PPP1R1C: variants seen among roughly 807,000 people sequenced by gnomAD.
PPP1R1C encodes the protein protein phosphatase 1 regulatory inhibitor subunit 1C, also known as protein phosphatase 1 regulatory subunit 1C.
In PPP1R1C, 15 loss-of-function variants were observed where a neutral mutation model predicts 17.4. The ratio of observed to expected loss-of-function variants is 0.86; its 90% confidence interval spans 0.58 to 1.33. PPP1R1C has a LOEUF of 1.33. PPP1R1C is among the 40% of genes most tolerant of loss of function. The probability of loss-of-function intolerance (pLI) is 0.00; values close to 1 mark genes in which losing one functional copy is unlikely to be tolerated. For synonymous variants in PPP1R1C, 35 were observed against 43.1 expected (o/e 0.81, Z 0.73); for missense variants, 143 against 130.0 (o/e 1.10, Z -0.48).
chr2:182,123,445 T>C (rs766424523), intron 5 of PPP1R1C, among the ~76,000 whole-genome samples: 1 of 152,248 alleles, frequency 6.6e-6, no homozygotes, highest in Non-Finnish European at 1.5e-5. Flanking sequence ...TCCACAATGG[T>C]TGAACTAGTT....
chr2:182,115,140 A>G (rs1022170963), intron 4 of PPP1R1C, among the ~76,000 whole-genome samples: 50 of 152,216 alleles, frequency 3.3e-4, no homozygotes, highest in South Asian at 6.2e-4. Flanking sequence ...GATATAGTCA[A>G]CCTCAGCTAA....
intron 4 of PPP1R1C, among the ~76,000 whole-genome samples, chr2:182,066,967 TTTGTG>T (rs1688002242): frequency 5.4e-4 from 16 of 29,666 alleles, no homozygotes; most frequent in Admixed American, 3.0e-3. Context: ...TGTGTGTGTG[TTTGTG>T]TGTGTGTGTG....
chr2:182,039,245 A>G (rs1380526449), intron 2 of PPP1R1C, among the ~76,000 whole-genome samples: 1 of 152,206 alleles, frequency 6.6e-6, no homozygotes, highest in Non-Finnish European at 1.5e-5. Flanking sequence ...CTATGTTATC[A>G]TCTTTGATTG....
intron 4 of PPP1R1C, among the ~76,000 whole-genome samples, chr2:182,098,362 A>G (rs1028762928): frequency 6.6e-6 from 1 of 152,142 alleles, no homozygotes; most frequent in Non-Finnish European, 1.5e-5. Context: ...TTAACTTTGG[A>G]TTTTCTTCAA....
chr2:182,072,846 C>G (rs761873923), intron 4 of PPP1R1C, among the ~76,000 whole-genome samples: 1 of 152,176 alleles, frequency 6.6e-6, no homozygotes, highest in East Asian at 1.9e-4. Context: ...TTAATCTTGT[C>G]TGTCTCCAGC....
chr2:181,969,849 C>T (rs765079586), intron 1 of PPP1R1C, among the ~76,000 whole-genome samples: 53 of 152,176 alleles, frequency 3.5e-4, no homozygotes, highest in Non-Finnish European at 6.8e-4. Context: ...TCTTCAAGTT[C>T]ATCAGTTCTT....
intron 4 of PPP1R1C, among the ~76,000 whole-genome samples, chr2:182,086,627 A>G (rs1688637329): frequency 6.6e-6 from 1 of 152,226 alleles, no homozygotes; most frequent in Non-Finnish European, 1.5e-5. Context: ...TCAATTTTAT[A>G]GAGAAAACGG....
At chr2:181,987,505 T>G (rs2125139824) in intron 1 of PPP1R1C, among the ~76,000 whole-genome samples, 1 of 152,200 alleles carries the variant, frequency 6.6e-6, no homozygotes, top group East Asian at 1.9e-4. Context: ...ACCAATGTTA[T>G]GAGGCTCCAA....
chr2:182,116,192 A>G (rs1689576978), intron 4 of PPP1R1C, among the ~76,000 whole-genome samples: 2 of 152,220 alleles, frequency 1.3e-5, no homozygotes, highest in African/African-American at 4.8e-5. Context: ...CATTAATTCA[A>G]TCAATGATTT....
chr2:182,062,051 A>C (rs1687865913), intron 3 of PPP1R1C, among the ~76,000 whole-genome samples: 1 of 152,124 alleles, frequency 6.6e-6, no homozygotes, highest in South Asian at 2.1e-4. Context: ...AGAGGCCAGG[A>C]GAGCATATAA....
At chr2:182,045,493 T>C (rs1257421744) in intron 2 of PPP1R1C, among the ~76,000 whole-genome samples, 2 of 151,968 alleles carry the variant, frequency 1.3e-5, no homozygotes, top group East Asian at 3.9e-4. Flanking sequence ...GATTAAGCCA[T>C]GAAAAGATTA....
chr2:182,046,637 G>A (rs1284687640), intron 2 of PPP1R1C, among the ~76,000 whole-genome samples: 1 of 151,734 alleles, frequency 6.6e-6, no homozygotes, highest in Non-Finnish European at 1.5e-5. Flanking sequence ...TACTCGGGAG[G>A]CTGAGGCAGG....
chr2:182,080,541 C>T (rs1243674237), intron 4 of PPP1R1C, among the ~76,000 whole-genome samples: 1 of 152,174 alleles, frequency 6.6e-6, no homozygotes, highest in African/African-American at 2.4e-5. Context: ...AATACCGTAA[C>T]ACAATACATC....
chr2:181,981,640 G>GT (rs1292472387), upstream of PPP1R1C, among the ~76,000 whole-genome samples: 2 of 152,126 alleles, frequency 1.3e-5, no homozygotes, highest in Non-Finnish European at 2.9e-5. Context: ...TAATATGAAG[G>GT]TTTTGGAGTT....
chr2:182,128,373 G>A (rs1038923948), intron 5 of PPP1R1C, among the ~76,000 whole-genome samples: 8 of 152,112 alleles, frequency 5.3e-5, no homozygotes, highest in South Asian at 2.1e-4. Flanking sequence ...TTTTCTGCTC[G>A]GTAAAACGTG....
At chr2:181,968,048 CAGAGA>C (rs1446448420) in intron 1 of PPP1R1C, among the ~76,000 whole-genome samples, 1 of 152,166 alleles carries the variant, frequency 6.6e-6, no homozygotes, top group Non-Finnish European at 1.5e-5. Flanking sequence ...CCATTGTGAT[CAGAGA>C]AAATACTTGA....
intron 2 of PPP1R1C, among the ~76,000 whole-genome samples, chr2:182,035,012 A>T (rs1686959533): frequency 6.6e-6 from 1 of 152,212 alleles, no homozygotes; most frequent in African/African-American, 2.4e-5. Flanking sequence ...GTCTGATTGC[A>T]CTTTTTATTC....
At chr2:182,091,484 AT>A (rs1218608406) in intron 4 of PPP1R1C, among the ~76,000 whole-genome samples, 19 of 125,042 alleles carry the variant, frequency 1.5e-4, no homozygotes, top group African/African-American at 4.3e-4. Context: ...TAAAAAAAAA[AT>A]AATAAAAAAA....
At chr2:181,974,934 T>C (rs760460928) in intron 1 of PPP1R1C, among the ~76,000 whole-genome samples, 2 of 152,172 alleles carry the variant, frequency 1.3e-5, no homozygotes, top group Non-Finnish European at 2.9e-5. Context: ...GTAATGTCTC[T>C]CAATAAAGGC....
Sources: allele counts gnomAD v4.1 joint callset (sites outside exome capture counted in the v4.1 genomes callset), GRCh38; gene constraint gnomAD v4.1.1; transcripts MANE v1.5; gene names NCBI Gene and HGNC (gene_info 2026-07-23, HGNC 2026-07-21).